EPHA3: variants seen among roughly 807,000 people sequenced by gnomAD.
EPHA3 encodes the protein EPH receptor A3.
EPHA3 carries 42 observed loss-of-function variants against 107.1 expected under a neutral mutation model. The ratio of observed to expected loss-of-function variants is 0.39; its 90% CI spans 0.31 to 0.51. The LOEUF is 0.51. Ranked by LOEUF, EPHA3 falls within the 20% of genes least tolerant of loss-of-function variation. EPHA3 has a pLI of 0.78. For missense variants in EPHA3, 1,183 were observed against 1,211.2 expected, an observed-to-expected ratio of 0.98 and a Z score of 0.35; for synonymous variants, 461 against 424.8, an observed-to-expected ratio of 1.09 and a Z score of -1.05.
chr3:89,161,285 T>C (rs755857588), intron 2 of EPHA3, among the ~76,000 whole-genome samples: 4 of 152,166 alleles, frequency 2.6e-5, no homozygotes, highest in Non-Finnish European at 5.9e-5. Flanking sequence ...AGAAGAAATA[T>C]AGTGAAGTCT....
chr3:89,415,070 A>T (rs189822124), intron 10 of EPHA3, among the ~76,000 whole-genome samples: 32 of 151,676 alleles, frequency 2.1e-4, no homozygotes, highest in African/African-American at 7.7e-4. Flanking sequence ...ATTCAATACA[A>T]TATACACACC....
chr3:89,291,587 G>A (rs551373852), intron 3 of EPHA3, among the ~76,000 whole-genome samples: 158 of 152,252 alleles, frequency 1.0e-3, no homozygotes, highest in African/African-American at 3.4e-3. Context: ...GGATTCTTGA[G>A]TAGTAAAATC....
intron 2 of EPHA3, among the ~76,000 whole-genome samples, chr3:89,195,504 A>G (rs1397406748): frequency 6.6e-6 from 1 of 152,178 alleles, no homozygotes; most frequent in Non-Finnish European, 1.5e-5. Context: ...TACCTTGAAC[A>G]TAAAATGGTC....
chr3:89,201,501 A>G (rs1218386529), intron 2 of EPHA3, among the ~76,000 whole-genome samples: 1 of 152,222 alleles, frequency 6.6e-6, no homozygotes, highest in Non-Finnish European at 1.5e-5. Flanking sequence ...ACAAGCCACC[A>G]TATTTGCCAT....
intron 2 of EPHA3, among the ~76,000 whole-genome samples, chr3:89,197,120 GTC>G (rs1705853644): frequency 1.3e-5 from 2 of 152,158 alleles, no homozygotes; most frequent in South Asian, 2.1e-4. Flanking sequence ...AAAATCCAAA[GTC>G]TCTCTTATGA....
intron 3 of EPHA3, among the ~76,000 whole-genome samples, chr3:89,300,555 C>T (rs1018148711): frequency 2.0e-5 from 3 of 151,918 alleles, no homozygotes; most frequent in African/African-American, 7.2e-5. Context: ...AGACACCATG[C>T]TAAACATTTT....
intron 3 of EPHA3, among the ~76,000 whole-genome samples, chr3:89,271,738 A>T (rs192975760): frequency 5.7e-4 from 86 of 152,188 alleles, no homozygotes; most frequent in Middle Eastern, 3.4e-3. Flanking sequence ...AGAAGGAAAA[A>T]GAAAAATACC....
At chr3:89,438,918 G>A (rs138260515) in intron 13 of EPHA3, among the ~76,000 whole-genome samples, 1,569 of 152,290 alleles carry the variant, frequency 0.01, 8 homozygotes, top group Non-Finnish European at 0.017. Context: ...TCAGAGAGAT[G>A]AGTAGCATGA....
chr3:89,479,626 A>T lies in EPHA3; in HGVS notation c.*124A>T. ...TCCAAGTCCAATAAGACACTCAAATATGAGTACAAATGCCTTAAAATGGAA... is the reference window on the plus strand; with the variant it reads ...TCCAAGTCCAATAAGACACTCAAATTTGAGTACAAATGCCTTAAAATGGAA... On this transcript the variant is annotated 3_prime_UTR_variant, in exon 17 of 17. Transcript: ENST00000336596. 1.5e-6 allele frequency: 1 copy of T among 657,038 alleles called. No homozygotes were observed. The highest frequency in any genetic ancestry group is 2.7e-5 in the East Asian group (1 of 36,518). The allele number at this position is 657,038 out of a possible 1,614,324, so 40.7% of individuals were successfully genotyped here.
intron 5 of EPHA3, among the ~76,000 whole-genome samples, chr3:89,369,861 C>G (rs1708258790): frequency 6.6e-6 from 1 of 150,512 alleles, no homozygotes; most frequent in South Asian, 2.1e-4. Context: ...TGAACAGACA[C>G]TTCTCAAAAG....
chr3:89,217,336 T>C (rs1704244137), intron 3 of EPHA3, among the ~76,000 whole-genome samples: 1 of 152,114 alleles, frequency 6.6e-6, no homozygotes, highest in South Asian at 2.1e-4. Context: ...CAAAACATCC[T>C]GTTGGCAGAT....
intron 16 of EPHA3, among the ~76,000 whole-genome samples, chr3:89,474,123 T>C (rs1175920409): frequency 6.6e-6 from 1 of 152,110 alleles, no homozygotes; most frequent in Non-Finnish European, 1.5e-5. Flanking sequence ...GAACATGCCA[T>C]GTAATTAATA....
At chr3:89,449,175 A>G (rs1170199193) in intron 13 of EPHA3, 50 bp from the exon 14 acceptor site, 3 of 1,499,896 alleles carry the variant, frequency 2.0e-6, no homozygotes, top group Non-Finnish European at 9.0e-7. Flanking sequence ...TATGTATATT[A>G]TATGTTCTAT....
Position 89,359,768 on chromosome 3 carries a change from C to T in EPHA3, c.1306+17678C>T, listed in dbSNP as rs962230453. Among the ~76,000 whole-genome samples, 637 of 103,538 alleles carry T rather than the reference C, an allele frequency of 6.2e-3. 8 individuals carry two copies. The highest frequency in any genetic ancestry group is 0.025 in the African/African-American group (596 of 24,244). 67.9% of individuals were successfully genotyped at this position (103,538 alleles called of 152,430 possible). A position where few individuals can be genotyped will look rare whatever the true frequency, so the allele number is the denominator to read the frequency against. ...ATATACACATATATACACATATATA[C>T]ACACATATATATACATATATATACA... On this transcript the variant is annotated intron_variant, in intron 5 of 16. Coordinates refer to ENST00000336596, the MANE Select transcript of EPHA3 (RefSeq NM_005233.6).
chr3:89,265,635 G>C (rs1353423683), intron 3 of EPHA3, among the ~76,000 whole-genome samples: 2 of 152,076 alleles, frequency 1.3e-5, no homozygotes, highest in African/African-American at 2.4e-5. Context: ...TGTTATTTCT[G>C]TTTATTTGCT....
Position 89,156,078 on chromosome 3 carries a change from G to A in EPHA3, c.153+28805G>A, listed in dbSNP as rs533958048. The stretch of plus-strand genomic sequence containing the variant: ...GCGATGTATTTACTGGAGGCCGTTG[G>A]GAAGAAGATACTGTTTACGTGCAAG... On this transcript the variant is annotated intron_variant, in intron 2 of 16. Coordinates refer to ENST00000336596, the MANE Select transcript of EPHA3 (RefSeq NM_005233.6). Among the ~76,000 whole-genome samples, 31 of 152,158 alleles carry A rather than the reference G, an allele frequency of 2.0e-4. No individual in the cohort carries two copies. The South Asian group carries it at 6.4e-3, about 32-fold the overall frequency.
intron 7 of EPHA3, among the ~76,000 whole-genome samples, 163 bp from the exon 8 acceptor site, chr3:89,407,106 A>T (rs955661937): frequency 6.6e-6 from 1 of 152,168 alleles, no homozygotes; most frequent in African/African-American, 2.4e-5. Context: ...TATTTTTTTA[A>T]ACATTAAGTA....
intron 3 of EPHA3, among the ~76,000 whole-genome samples, chr3:89,294,505 C>A (rs1280823907): frequency 1.4e-5 from 2 of 142,994 alleles, no homozygotes; most frequent in Non-Finnish European, 3.0e-5. Flanking sequence ...TTTCCTCTTA[C>A]ACACACACAC....
chr3:89,231,379 A>C (rs1704631067), intron 3 of EPHA3, among the ~76,000 whole-genome samples: 1 of 152,178 alleles, frequency 6.6e-6, no homozygotes, highest in Non-Finnish European at 1.5e-5. Context: ...TATGTACCTA[A>C]ATGAAAACAA....
Sources: gnomAD v4.1 joint callset for allele counts (sites outside exome capture counted in the v4.1 genomes callset) on GRCh38, gnomAD v4.1.1 for gene constraint, MANE v1.5 for transcripts, NCBI Gene and HGNC (gene_info 2026-07-23, HGNC 2026-07-21) for gene names.